KIAA1217: variants seen among roughly 807,000 people sequenced by gnomAD.
KIAA1217 encodes KIAA1217.
A neutral mutation model predicts 163.9 loss-of-function variants in KIAA1217; 88 were observed. The observed-to-expected ratio is 0.54, with a 90% CI of 0.45 to 0.64. The LOEUF (loss-of-function observed/expected upper bound fraction) is 0.64. Among genes scored for constraint, KIAA1217 ranks in the 30% least tolerant of loss-of-function variants. The pLI is 0.00. For synonymous variants in KIAA1217, 903 were observed against 923.1 expected, an observed-to-expected ratio of 0.98 and a Z score of 0.39; for missense variants, 2,372 against 2,475.0, an observed-to-expected ratio of 0.96 and a Z score of 0.88.
In KIAA1217 at chr10:24,015,907, TA is replaced by T. The variant is rs370699659; in HGVS notation, c.-171+8544del. ...GTGCCCTCTTCCTGTTTGCGTAGGG[TA>T]AAAAAAAAAACCAGGATATGCTTTC... is the stretch of plus-strand genomic sequence containing the variant. On this transcript the variant is annotated intron_variant, in intron 2 of 18. Coordinates refer to the KIAA1217 transcript ENST00000376462. Among the ~76,000 whole-genome samples the T allele has an allele frequency of 5.3e-3, 774 of 144,734 alleles. 6 individuals are homozygous for T. Among genetic ancestry groups the T allele is most frequent in the Non-Finnish European group, 8.1e-3 (533 of 65,452 alleles). 95.0% of individuals were successfully genotyped at this position (144,734 alleles called of 152,430 possible). A position where few individuals can be genotyped will look rare whatever the true frequency, so the allele number is the denominator to read the frequency against.
intron 1 of KIAA1217, among the ~76,000 whole-genome samples, chr10:23,917,608 T>C (rs1338864174): frequency 6.6e-6 from 1 of 152,170 alleles, no homozygotes; most frequent in Non-Finnish European, 1.5e-5. Flanking sequence ...AGTTTGGAGA[T>C]GTCATTTCCC....
intron 2 of KIAA1217, among the ~76,000 whole-genome samples, chr10:24,333,655 A>G (rs1295567267): frequency 6.6e-6 from 1 of 152,226 alleles, no homozygotes; most frequent in Non-Finnish European, 1.5e-5. Context: ...CTAAAAATCA[A>G]TAGGCTGGCC....
chr10:24,488,733 G>GCCT (rs2065717109), intron 6 of KIAA1217, among the ~76,000 whole-genome samples: 1 of 151,982 alleles, frequency 6.6e-6, no homozygotes, highest in South Asian at 2.1e-4. Context: ...AATTACTTTG[G>GCCT]GTTTTTTTTT....
chr10:23,846,374 T>A (rs1839029209), intron 1 of KIAA1217, among the ~76,000 whole-genome samples: 1 of 152,186 alleles, frequency 6.6e-6, no homozygotes, highest in Non-Finnish European at 1.5e-5. Flanking sequence ...GCATGGAATG[T>A]TTTTCCATAT....
At chr10:24,239,294 T>A (rs769617121) in intron 2 of KIAA1217, 2 of 985,256 alleles carry the variant, frequency 2.0e-6, no homozygotes, top group Non-Finnish European at 1.2e-6. Flanking sequence ...AGAATTAGAT[T>A]TTCTGCTTTA....
chr10:24,486,531 C>G (rs1170925216), intron 6 of KIAA1217, among the ~76,000 whole-genome samples: 11 of 152,160 alleles, frequency 7.2e-5, no homozygotes, highest in Non-Finnish European at 1.6e-4. Flanking sequence ...AATCACCCTC[C>G]CCTTCCTTCC....
intron 1 of KIAA1217, among the ~76,000 whole-genome samples, chr10:23,910,925 C>T (rs1842404228): frequency 6.6e-6 from 1 of 152,144 alleles, no homozygotes; most frequent in Non-Finnish European, 1.5e-5. Context: ...GATCTGCACC[C>T]ATTCAGGAGT....
chr10:24,450,298 T>TTA (rs1424606466), intron 5 of KIAA1217, among the ~76,000 whole-genome samples: 20 of 152,216 alleles, frequency 1.3e-4, no homozygotes, highest in African/African-American at 4.3e-4. Flanking sequence ...TTTATCCTGG[T>TTA]CTTGAAAAAA....
intron 1 of KIAA1217, among the ~76,000 whole-genome samples, chr10:23,770,398 A>G (rs535317856): frequency 6.6e-6 from 1 of 152,284 alleles, no homozygotes; most frequent in Admixed American, 6.5e-5. Context: ...CATGTTGTCT[A>G]TGATTGCTTA....
At chr10:24,275,644 T>A (rs1433020535) in intron 2 of KIAA1217, 2 of 472,846 alleles carry the variant, frequency 4.2e-6, no homozygotes, top group Non-Finnish European at 8.7e-6. Flanking sequence ...GTCTCAAGTA[T>A]GTTTTTTTTC....
intron 2 of KIAA1217, among the ~76,000 whole-genome samples, chr10:24,289,464 A>G (rs2078881213): frequency 6.6e-6 from 1 of 152,046 alleles, no homozygotes; most frequent in African/African-American, 2.4e-5. Context: ...GGAGGGATGG[A>G]AATATTTTTT....
At chr10:24,219,962 G>A (rs1589997133) in intron 2 of KIAA1217, 53 bp downstream of exon 2, 7 of 1,500,132 alleles carry the variant, frequency 4.7e-6, no homozygotes, top group South Asian at 2.7e-5. Flanking sequence ...AATGAACATC[G>A]AGGAAAGCAA....
chr10:23,878,085 AG>A (rs1439775968), intron 1 of KIAA1217, among the ~76,000 whole-genome samples: 4 of 151,878 alleles, frequency 2.6e-5, no homozygotes, highest in Admixed American at 6.6e-5. Context: ...TTTTCTTGGC[AG>A]GGAGGCTCTA....
At chr10:23,912,344 G>A (rs4304662) in intron 1 of KIAA1217, among the ~76,000 whole-genome samples, 57,269 of 151,484 alleles carry the variant, frequency 0.38, 11,811 homozygotes, top group African/African-American at 0.55. Context: ...TATTTTTTTA[G>A]AACTTTTTTT....
chr10:24,199,781 C>T (rs146598803), intron 2 of KIAA1217, among the ~76,000 whole-genome samples: 1 of 151,912 alleles, frequency 6.6e-6, no homozygotes, highest in African/African-American at 2.4e-5. Flanking sequence ...CGTGAATGTC[C>T]TGATTTTCAT....
At chr10:23,972,953 G>A (rs1390518885) in intron 1 of KIAA1217, among the ~76,000 whole-genome samples, 3 of 151,964 alleles carry the variant, frequency 2.0e-5, no homozygotes, top group Non-Finnish European at 4.4e-5. Flanking sequence ...ACTGGGGCCT[G>A]TTGGGGTTTG....
At chr10:23,949,669 A>G (rs1844239371) in intron 1 of KIAA1217, among the ~76,000 whole-genome samples, 1 of 152,114 alleles carries the variant, frequency 6.6e-6, no homozygotes, top group African/African-American at 2.4e-5. Context: ...CAAGTATACT[A>G]AAAGTCATTT....
At chr10:24,327,035 C>T (rs751602330) in intron 2 of KIAA1217, among the ~76,000 whole-genome samples, 3 of 152,136 alleles carry the variant, frequency 2.0e-5, no homozygotes, top group Non-Finnish European at 2.9e-5. Flanking sequence ...TTTCAAAACA[C>T]AGCACAAAAT....
chr10:24,109,956 G>C (rs1171212867), intron 2 of KIAA1217, among the ~76,000 whole-genome samples: 2 of 152,214 alleles, frequency 1.3e-5, no homozygotes, highest in Non-Finnish European at 2.9e-5. Flanking sequence ...GCCTTGACCT[G>C]CTGGGTGCAA....
Sources: gnomAD v4.1 joint callset for allele counts (sites outside exome capture counted in the v4.1 genomes callset) on GRCh38, gnomAD v4.1.1 for gene constraint, MANE v1.5 for transcripts, NCBI Gene and HGNC (gene_info 2026-07-23, HGNC 2026-07-21) for gene names.